MALRD1: variants seen among roughly 807,000 people sequenced by gnomAD.
MALRD1 encodes the protein MAM and LDL receptor class A domain containing 1.
MALRD1 carries 247 observed loss-of-function variants against 242.1 expected under a neutral mutation model. That is an observed-to-expected ratio of 1.02 (90% confidence interval 0.92 to 1.13). The LOEUF (loss-of-function observed/expected upper bound fraction) is 1.13, where lower values mean the gene tolerates loss of function less well. Among genes scored for constraint, MALRD1 ranks in the 50% most tolerant of loss-of-function variants. The probability of loss-of-function intolerance (pLI) is 0.00; values close to 1 mark genes in which losing one functional copy is unlikely to be tolerated. For synonymous variants in MALRD1, 995 were observed against 866.6 expected (o/e 1.15, Z -2.60); for missense variants, 2,989 against 2,533.1 (o/e 1.18, Z -3.86).
intron 18 of MALRD1, among the ~76,000 whole-genome samples, chr10:19,231,730 C>A (rs952277248): frequency 2.6e-5 from 4 of 152,124 alleles, no homozygotes; most frequent in Non-Finnish European, 4.4e-5. Context: ...AAACCTCTTT[C>A]CTTTATAAAT....
chr10:19,134,434 G>T (rs1244327996), intron 9 of MALRD1, among the ~76,000 whole-genome samples: 1 of 152,138 alleles, frequency 6.6e-6, no homozygotes, highest in Non-Finnish European at 1.5e-5. Context: ...GTTGTATTAG[G>T]TTGGTGCAAA....
intron 21 of MALRD1, among the ~76,000 whole-genome samples, chr10:19,313,224 C>A (rs769727165): frequency 2.6e-5 from 4 of 151,344 alleles, no homozygotes; most frequent in African/African-American, 4.8e-5. Context: ...TTTTAGTTAA[C>A]TCATCTAGGA....
rs1326915581 is a variant in MALRD1, at chr10:19,266,487, A to T, written c.3079+8716A>T. On this transcript the variant is annotated intron_variant, in intron 19 of 39. Transcript: ENST00000454679. ...AACTTAATTTTAATTCCATACAAAA[A>T]TCCTACACGTCTTCCCACCCCAACA... Among the ~76,000 whole-genome samples the T allele has an allele frequency of 2.6e-5, 4 of 152,038 alleles. No homozygotes were observed. The East Asian group carries it at 7.7e-4, about 29-fold the overall frequency.
In MALRD1 at chr10:19,340,293, T is replaced by C. The variant is rs1030277607; in HGVS notation, c.3902-7478T>C. ...CAATCTATTTACACTCTTTTAGTTA[T>C]TTTAAAATGTAAAATTAATTTATCA... On this transcript the variant is annotated intron_variant, in intron 24 of 39. Transcript: ENST00000454679. Among the ~76,000 whole-genome samples, 4 of 152,176 alleles carry C rather than the reference T, an allele frequency of 2.6e-5. No homozygotes were observed. In the East Asian group the frequency reaches 7.7e-4, roughly 29 times the overall value.
chr10:19,622,467 G>A (rs1202172038), intron 36 of MALRD1, among the ~76,000 whole-genome samples: 1 of 151,626 alleles, frequency 6.6e-6, no homozygotes, highest in African/African-American at 2.4e-5. Context: ...TAAACAAGTG[G>A]AAAAACATTT....
intron 14 of MALRD1, among the ~76,000 whole-genome samples, chr10:19,197,340 A>G (rs953847039): frequency 7.0e-6 from 1 of 143,158 alleles, no homozygotes; most frequent in African/African-American, 2.7e-5. Context: ...TTTTTGCAGT[A>G]TTCTTCCCCT....
chr10:19,563,094 C>G (rs1836073350), intron 32 of MALRD1, among the ~76,000 whole-genome samples: 1 of 152,128 alleles, frequency 6.6e-6, no homozygotes, highest in African/African-American at 2.4e-5. Context: ...CCAGAGACTG[C>G]AAGTCTGTGC....
intron 29 of MALRD1, among the ~76,000 whole-genome samples, chr10:19,464,048 AC>A (rs1836092760): frequency 6.6e-6 from 1 of 152,010 alleles, no homozygotes; most frequent in Non-Finnish European, 1.5e-5. Context: ...TCCTTAGCCT[AC>A]TTTTTGATGG....
chr10:19,672,615 G>T (rs1288798976), intron 36 of MALRD1, among the ~76,000 whole-genome samples: 1 of 151,794 alleles, frequency 6.6e-6, no homozygotes, highest in Admixed American at 6.6e-5. Context: ...GTAGAGAAGG[G>T]GTTTTGCCAT....
chr10:19,607,332 T>A (rs1838686389), intron 34 of MALRD1, among the ~76,000 whole-genome samples: 1 of 152,152 alleles, frequency 6.6e-6, no homozygotes, highest in Non-Finnish European at 1.5e-5. Flanking sequence ...TAGGCAGGTT[T>A]GGTGTCTCCT....
chr10:19,524,868 ACCTTT>A (rs1834031554), intron 31 of MALRD1, among the ~76,000 whole-genome samples: 1 of 151,468 alleles, frequency 6.6e-6, no homozygotes, highest in Non-Finnish European at 1.5e-5. Flanking sequence ...GTCAAAGCAT[ACCTTT>A]CCTTTATTTT....
Position 19,082,935 on chromosome 10 carries a change from G to A in MALRD1, c.341-4905G>A, listed in dbSNP as rs1363843944. The stretch of plus-strand genomic sequence containing the variant: ...ATAGGCTGGGAAGTCCAAGATCAAG[G>A]CACTGGCAGATTCAAGTGTCTGATG... On this transcript the variant is annotated intron_variant, in intron 2 of 39. Coordinates refer to ENST00000454679, the MANE Select transcript of MALRD1 (RefSeq NM_001142308.3). 3.9e-5 allele frequency among the ~76,000 whole-genome samples: 6 copies of A among 152,116 alleles called. No individual in the cohort carries two copies. The East Asian group carries it at 9.7e-4, about 25-fold the overall frequency.
intron 12 of MALRD1, among the ~76,000 whole-genome samples, chr10:19,158,075 C>T (rs943295310): frequency 3.3e-5 from 5 of 152,120 alleles, no homozygotes; most frequent in Non-Finnish European, 5.9e-5. Context: ...AAACAGAACA[C>T]GAGGGAGCCC....
intron 31 of MALRD1, among the ~76,000 whole-genome samples, chr10:19,502,995 A>G (rs1408104343): frequency 6.6e-6 from 1 of 152,130 alleles, no homozygotes; most frequent in African/African-American, 2.4e-5. Context: ...GATCACATGA[A>G]AAGTTTTGAA....
At chr10:19,463,188 A>T (rs1030615683) in intron 29 of MALRD1, among the ~76,000 whole-genome samples, 7 of 151,720 alleles carry the variant, frequency 4.6e-5, no homozygotes, top group African/African-American at 1.7e-4. Flanking sequence ...TTATTTCCAT[A>T]GGTTTTCGGG....
Position 19,692,469 on chromosome 10 carries a change from C to T in MALRD1, c.6229C>T (p.Leu2077Phe). 7.8e-6 allele frequency: 12 copies of T among 1,535,704 alleles called. No individual in the cohort carries two copies. Among genetic ancestry groups the T allele is most frequent in the Non-Finnish European group, 1.0e-5 (12 of 1,146,478 alleles). ...FTYAQNNTWT[L>F]LGIGLAFLMT... ...GTTTAAAATTCCAGATACATGGACT[C>T]TCCTGGGTATTGGATTAGCATTCCT... The change falls in exon 38 of 40, where the codon CTC becomes TTC. Residue 2077 changes from leucine (L) to phenylalanine (F), a missense_variant. Transcript: ENST00000454679.
At chr10:19,512,742 G>T (rs141202474) in intron 31 of MALRD1, among the ~76,000 whole-genome samples, 82 of 152,246 alleles carry the variant, frequency 5.4e-4, no homozygotes, top group Non-Finnish European at 1.0e-3. Flanking sequence ...AGACTTGGTT[G>T]TCTTCCCAGA....
intron 38 of MALRD1, among the ~76,000 whole-genome samples, chr10:19,699,435 A>T (rs185237623): frequency 3.0e-4 from 45 of 152,020 alleles, no homozygotes; most frequent in Non-Finnish European, 8.8e-5. Context: ...AATAGAGATA[A>T]ATTGGAACTG....
chr10:19,431,709 A>T (rs529924543), intron 28 of MALRD1, among the ~76,000 whole-genome samples: 5 of 152,302 alleles, frequency 3.3e-5, no homozygotes, highest in African/African-American at 1.2e-4. Context: ...TCACATGCAT[A>T]CATTTGTTTT....
Sources: gnomAD v4.1 joint callset for allele counts (sites outside exome capture counted in the v4.1 genomes callset) on GRCh38, gnomAD v4.1.1 for gene constraint, MANE v1.5 for transcripts, NCBI Gene and HGNC (gene_info 2026-07-23, HGNC 2026-07-21) for gene names.